TFAP2A: variants seen among roughly 807,000 people sequenced by gnomAD.
TFAP2A encodes the protein transcription factor AP-2 alpha.
Under a neutral mutation model 41.5 loss-of-function variants are expected in TFAP2A, and 7 were observed. The observed-to-expected ratio is 0.17, with a 90% CI of 0.10 to 0.32. TFAP2A has a LOEUF of 0.32. Among genes scored for constraint, TFAP2A ranks in the 10% least tolerant of loss-of-function variants. The pLI, the probability that TFAP2A is intolerant of heterozygous loss-of-function variation, is 1.00. For missense variants in TFAP2A, 416 were observed against 563.3 expected, an observed-to-expected ratio of 0.74 and a Z score of 2.65; for synonymous variants, 247 against 242.8, an observed-to-expected ratio of 1.02 and a Z score of -0.16.
At chr6:10,406,318 C>T (rs1297576397) in intron 3 of TFAP2A, 1 of 163,020 alleles carries the variant, frequency 6.1e-6, no homozygotes, top group Non-Finnish European at 1.3e-5. Context: ...TCACAAAGTT[C>T]TAAGACCCTT....
At chr6:10,408,323 CT>C (rs1446828723) in intron 2 of TFAP2A, among the ~76,000 whole-genome samples, 17 of 152,174 alleles carry the variant, frequency 1.1e-4, no homozygotes, top group African/African-American at 3.1e-4. Flanking sequence ...TAGTTAGTTT[CT>C]CCTACTGACC....
At chr6:10,411,740 C>A in intron 1 of TFAP2A, 1 of 1,508,396 alleles carries the variant, frequency 6.6e-7, no homozygotes, top group Non-Finnish European at 8.8e-7. Context: ...GGCGCCGACG[C>A]TCCCCGGAGC....
chr6:10,403,627 G>GT (rs1757524416), intron 4 of TFAP2A, among the ~76,000 whole-genome samples: 1 of 152,184 alleles, frequency 6.6e-6, no homozygotes, highest in Non-Finnish European at 1.5e-5. Context: ...CATTATCCGG[G>GT]TAAGTTCAAC....
Position 10,409,927 on chromosome 6 carries a change from A to G in TFAP2A, c.460T>C (p.Leu154=). ...SGLGDLSIHS[L]PHAIEEVPHV... ...GGGACCTCCTCGATGGCGTGAGGTA[A>G]GGAGTGGATCGAGAGGTCTCCGAGT... The change falls in exon 2 of 7, where the codon TTA becomes CTA. Residue 154 remains leucine, a synonymous_variant. Transcript: ENST00000379613. 1 of 1,553,740 alleles carries G rather than the reference A, an allele frequency of 6.4e-7. No individual in the cohort carries two copies. Among genetic ancestry groups the G allele is most frequent in the Non-Finnish European group, 8.7e-7 (1 of 1,147,960 alleles).
chr6:10,419,282 G>C (rs2113241431), upstream of TFAP2A: 1 of 1,030,540 alleles, frequency 9.7e-7, no homozygotes, highest in East Asian at 2.6e-5. Context: ...GAGCTCTCCT[G>C]GGCGCTGCCA....
intron 5 of TFAP2A, 46 bp from the exon 6 acceptor site, chr6:10,400,635 T>A: frequency 6.2e-7 from 1 of 1,610,690 alleles, no homozygotes. Flanking sequence ...GAATGAAGAG[T>A]GGGGATCCTA....
At chr6:10,411,338 G>T (rs1001487394) in intron 1 of TFAP2A, among the ~76,000 whole-genome samples, 16 of 152,208 alleles carry the variant, frequency 1.1e-4, no homozygotes, top group Non-Finnish European at 1.8e-4. Context: ...CGGCGAGGTA[G>T]GTCTGCGTGC....
At chr6:10,414,654 C>T in intron 1 of TFAP2A, 1 of 573,660 alleles carries the variant, frequency 1.7e-6, no homozygotes, top group East Asian at 3.0e-5. Flanking sequence ...TTCAAAAGCC[C>T]ATGTTCTTCT....
In TFAP2A at chr6:10,406,921, G is replaced by A. The variant is rs1757741296; in HGVS notation, c.487-77C>T. ...AATGAATATTCCCTGCAAGATGGGA[G>A]GAGGGGAAGGTGTAGAATCAAAATT... On this transcript the variant is annotated intron_variant, in intron 2 of 6. Transcript: ENST00000379613. The A allele has an allele frequency of 5.3e-6, 6 of 1,129,698 alleles. No homozygotes were observed. The South Asian group carries it at 7.4e-5, about 14-fold the overall frequency. The allele number at this position is 1,129,698 out of a possible 1,614,324, so 70.0% of individuals were successfully genotyped here.
intron 1 of TFAP2A, chr6:10,414,642 G>T: frequency 3.6e-6 from 2 of 556,384 alleles, no homozygotes; most frequent in South Asian, 4.0e-5. Context: ...GCCAGCAATT[G>T]CTTCAAAAGC....
At chr6:10,419,589 G>A (rs1320150106), upstream of TFAP2A, 1 of 1,120,100 alleles carries the variant, frequency 8.9e-7, no homozygotes, top group Non-Finnish European at 1.3e-6. Flanking sequence ...TAAAGAGCTG[G>A]GTTGCTACCT....
chr6:10,399,572 G>A (rs535806563), intron 6 of TFAP2A, among the ~76,000 whole-genome samples: 4 of 152,326 alleles, frequency 2.6e-5, no homozygotes, highest in African/African-American at 9.6e-5. Flanking sequence ...CTGGCCTGGG[G>A]GGCTGGGGAG....
At chr6:10,400,803 A>G (rs1761979497) in intron 5 of TFAP2A, 1 of 631,478 alleles carries the variant, frequency 1.6e-6, no homozygotes, top group Non-Finnish European at 2.7e-6. Flanking sequence ...TAGAGGGCCA[A>G]GAAGACTTGA....
rs765609808 is a variant in TFAP2A, at chr6:10,398,752, G to T, written c.1032-47C>A. ...GAGAGAGACATAAGGCTCCACTATGGGCAGCACTAGCAGCAAAGAGAAAAC... is the reference window on the plus strand; with the variant it reads ...GAGAGAGACATAAGGCTCCACTATGTGCAGCACTAGCAGCAAAGAGAAAAC... On this transcript the variant is annotated intron_variant, in intron 6 of 6. Coordinates refer to ENST00000379613, the MANE Select transcript of TFAP2A (RefSeq NM_001372066.1). The surrounding 1 kb of genome is among the most constrained non-coding windows in gnomAD (Gnocchi z 5.3). The T allele has an allele frequency of 3.4e-5, 55 of 1,603,220 alleles. No homozygotes were observed. The highest frequency in any genetic ancestry group is 4.3e-5 in the Non-Finnish European group (51 of 1,173,130).
chr6:10,419,464 T>C (rs1758354837), upstream of TFAP2A: 1 of 1,614,062 alleles, frequency 6.2e-7, no homozygotes, highest in South Asian at 1.1e-5. Flanking sequence ...GGCTCTGCGC[T>C]CCTGGCGACT....
chr6:10,409,967 G>T lies in TFAP2A; in HGVS notation c.420C>A (p.His140Gln), dbSNP rs778686750. 6.3e-7 allele frequency: 1 copy of T among 1,582,290 alleles called. No individual in the cohort carries two copies. The highest frequency in any genetic ancestry group is 1.1e-5 in the South Asian group (1 of 87,842). The change falls in exon 2 of 7, where the codon CAC becomes CAA. Residue 140 changes from histidine to glutamine, a missense_variant. Coordinates refer to ENST00000379613, the MANE Select transcript of TFAP2A (RefSeq NM_001372066.1). ...RRHEDLLHGPHALSSGLGDLS... is the reference protein window; with the variant it reads ...RRHEDLLHGPQALSSGLGDLS... ...GGTCTCCGAGTCCTGAGCTGAGCGC[G>T]TGTGGGCCGTGCAGGAGGTCCTCGT...
chr6:10,400,806 A>C lies in TFAP2A; in HGVS notation c.890-217T>G, dbSNP rs1761979716. 7.3e-6 allele frequency: 5 copies of C among 684,316 alleles called. No homozygotes were observed. The East Asian group carries it at 1.3e-4, about 17-fold the overall frequency. 42.4% of individuals were successfully genotyped at this position (684,316 alleles called of 1,614,324 possible). On this transcript the variant is annotated intron_variant, in intron 5 of 6. Transcript: ENST00000379613. ...GACCACTTCTCCTAGAGGGCCAAGA[A>C]GACTTGAAAATGAAAATCTCATCCA... is the stretch of plus-strand genomic sequence containing the variant.
At chr6:10,411,586 T>C in intron 1 of TFAP2A, 4 of 1,613,902 alleles carry the variant, frequency 2.5e-6, no homozygotes, top group Non-Finnish European at 3.4e-6. Context: ...TGAAAAACTG[T>C]GAACTAACAT....
Position 10,415,033 on chromosome 6 carries a change from A to G in TFAP2A, c.-42T>C. On this transcript the variant is annotated 5_prime_UTR_variant, in exon 1 of 7. Transcript: ENST00000379613. ...ATATGCCCCTCTCGGTCTCGCACCCAAGTGGAGCTACTCTCTGGGTGAGCG... is the reference window on the plus strand; with the variant it reads ...ATATGCCCCTCTCGGTCTCGCACCCGAGTGGAGCTACTCTCTGGGTGAGCG... 1 of 1,613,796 alleles carries G rather than the reference A, an allele frequency of 6.2e-7. No homozygotes were observed. The highest frequency in any genetic ancestry group is 8.5e-7 in the Non-Finnish European group (1 of 1,179,958).
Sources: gnomAD v4.1 joint callset for allele counts (sites outside exome capture counted in the v4.1 genomes callset) on GRCh38, gnomAD v4.1.1 for gene constraint, Gnocchi (gnomAD v3.1) non-coding constraint, MANE v1.5 for transcripts, NCBI Gene and HGNC (gene_info 2026-07-23, HGNC 2026-07-21) for gene names.